The following TNXB variants were observed in gnomAD, a reference collection of about 807,000 sequenced individuals.
TNXB encodes the protein tenascin-X.
In TNXB, 183 loss-of-function variants were observed where a neutral mutation model predicts 340.5. The observed-to-expected ratio is 0.54, with a 90% CI of 0.48 to 0.61. The LOEUF is 0.61. Ranked by LOEUF, TNXB falls within the 20% of genes least tolerant of loss-of-function variation. The pLI, the probability that TNXB is intolerant of heterozygous loss-of-function variation, is 0.00. For missense variants in TNXB, 4,613 were observed against 5,446.4 expected, an observed-to-expected ratio of 0.85 and a Z score of 4.82; for synonymous variants, 2,121 against 2,314.5, an observed-to-expected ratio of 0.92 and a Z score of 2.40.
chr6:32,081,596 C>T lies in TNXB; in HGVS notation c.3814G>A (p.Val1272Met), dbSNP rs749925578. 108 of 1,601,768 alleles carry T rather than the reference C, an allele frequency of 6.7e-5. No individual in the cohort carries two copies. Among genetic ancestry groups the T allele is most frequent in the African/African-American group, 1.6e-4 (12 of 74,792 alleles). ...GAGAGACGCAAGGAGTCTGGGGTCA[C>T]GCCGGTCACTGTCAGTTCCCCCAGG... ...PLLGELTVTG[V>M]TPDSLRLSWT... Residue 1272 changes from valine (V) to methionine (M), a missense_variant, in exon 10 of 44, where the codon GTG (valine) becomes ATG (methionine). Val to Met is a conservative substitution (Grantham distance 21). Around this residue, in one of 7 missense-constraint regions of TNXB, gnomAD observed 4,327 missense variants for 4,859.4 expected, o/e 0.89. Coordinates refer to ENST00000644971, the MANE Select transcript of TNXB (RefSeq NM_001365276.2). This position sits in a 1 kb window ranked among gnomAD's most constrained non-coding sequence, Gnocchi z 5.1.
At chr6:32,095,253 C>G in intron 3 of TNXB, 62 bp from the exon 4 acceptor site, 1 of 1,287,838 alleles carries the variant, frequency 7.8e-7, no homozygotes. Flanking sequence ...CCACCCACAG[C>G]CCCTTTTACT....
chr6:32,058,341 T>A lies in TNXB; in HGVS notation c.7542A>T (p.Thr2514=). 6.2e-7 allele frequency: 1 copy of A among 1,611,740 alleles called. No homozygotes were observed. Among genetic ancestry groups the A allele is most frequent in the Non-Finnish European group, 8.5e-7 (1 of 1,179,644 alleles). Residue 2514 remains threonine (T), a synonymous_variant, in exon 22 of 44, where the codon ACA becomes ACT. Coordinates refer to ENST00000644971, the MANE Select transcript of TNXB (RefSeq NM_001365276.2). This position sits in a 1 kb window ranked among gnomAD's most constrained non-coding sequence, Gnocchi z 5.1. The stretch of plus-strand genomic sequence containing the variant: ...GCTCCTCGGGGGGCCCTGGGGCCTC[T>A]GTGCCTGGTTCTGTAGGGCTGGGGG... The part of the protein sequence containing the change: ...DETPSPTEPG[T]EAPGPPEEPL...
At position 32,096,104 on chromosome 6, in the gene TNXB, C is replaced by G; in HGVS notation, c.1749G>C (p.Glu583Asp). Residue 583 changes from glutamate to aspartate, a missense_variant, in exon 3 of 44, where the codon GAG (glutamate) becomes GAC (aspartate). Around this residue, in one of 7 missense-constraint regions of TNXB, gnomAD observed 4,327 missense variants for 4,859.4 expected, o/e 0.89. Transcript: ENST00000644971. ...RCVCEDGYSG[E>D]DCGVRQCPND... ...TCGGGCACTGCCTCACACCGCAATC[C>G]TCGCCAGAGTAGCCGTCCTCGCACA... 1.2e-6 allele frequency: 2 copies of G among 1,608,958 alleles called. No individual in the cohort carries two copies. Among genetic ancestry groups the G allele is most frequent in the Non-Finnish European group, 1.7e-6 (2 of 1,178,336 alleles).
intron 1 of TNXB, among the ~76,000 whole-genome samples, chr6:32,100,512 G>A (rs1163902430): frequency 2.6e-5 from 4 of 152,128 alleles, no homozygotes; most frequent in African/African-American, 9.7e-5. Flanking sequence ...AGGATTGCAT[G>A]AGCCCAGGAG....
At position 32,084,441 on chromosome 6, in the gene TNXB, A is replaced by T; in HGVS notation, c.3417T>A (p.His1139Gln). ...TCTTGGCTTCAGCCACCAGCGGACC[A>T]TGCCTCTTCTTGCCAACAAACCCAT... ...VLYGFVGKKR[H>Q]GPLVAEAKIL... The change falls in exon 8 of 44, where the codon CAT becomes CAA. Residue 1139 changes from histidine (H) to glutamine (Q), a missense_variant. By Grantham distance (24) the His-to-Gln change is conservative (BLOSUM62 0). This residue lies in a region of TNXB where 4,327 missense variants were observed against 4,859.4 expected (regional missense o/e 0.89). Coordinates refer to ENST00000644971, the MANE Select transcript of TNXB (RefSeq NM_001365276.2). This position sits in a 1 kb window ranked among gnomAD's most constrained non-coding sequence, Gnocchi z 5.5. 6.3e-7 allele frequency: 1 copy of T among 1,596,248 alleles called. No individual in the cohort carries two copies. Among genetic ancestry groups the T allele is most frequent in the Non-Finnish European group, 8.6e-7 (1 of 1,169,500 alleles).
In TNXB at chr6:32,072,690, C is replaced by G. The variant is rs1778847345; in HGVS notation, c.4682-392G>C. ...TTGGATTTTTAAGAAATATTTTGGG[C>G]CGGGTGCAGTGGCTCATGCCAGGCC... On this transcript the variant is annotated intron_variant, in intron 12 of 43. Coordinates refer to ENST00000644971, the MANE Select transcript of TNXB (RefSeq NM_001365276.2). The surrounding 1 kb of genome is among the most constrained non-coding windows in gnomAD (Gnocchi z 4.4). Among the ~76,000 whole-genome samples, 1 of 152,172 alleles carries G rather than the reference C, an allele frequency of 6.6e-6. No homozygotes were observed. Among genetic ancestry groups the G allele is most frequent in the Non-Finnish European group, 1.5e-5 (1 of 68,028 alleles).
chr6:32,055,487 T>A (rs1438543899), intron 24 of TNXB, among the ~76,000 whole-genome samples: 1 of 152,152 alleles, frequency 6.6e-6, no homozygotes. Context: ...TGCCCCTCAC[T>A]GCCTTCTGTC....
At position 32,068,738 on chromosome 6, in the gene TNXB, G is replaced by A; in HGVS notation, c.5903-31C>T. 2 of 1,604,530 alleles carry A rather than the reference G, an allele frequency of 1.2e-6. No individual in the cohort carries two copies. Among genetic ancestry groups the A allele is most frequent in the South Asian group, 1.1e-5 (1 of 90,090 alleles). ...CAGAGACATGGAAAGAGAGGACTGAGGTGGGCAGGGTATCCGCGGGACTCT... is the reference window on the plus strand; with the variant it reads ...CAGAGACATGGAAAGAGAGGACTGAAGTGGGCAGGGTATCCGCGGGACTCT... On this transcript the variant is annotated intron_variant, in intron 16 of 43. Coordinates refer to ENST00000644971, the MANE Select transcript of TNXB (RefSeq NM_001365276.2). This position sits in a 1 kb window ranked among gnomAD's most constrained non-coding sequence, Gnocchi z 5.3.
Position 32,097,712 on chromosome 6 carries a change from T to G in TNXB, c.403+84A>C. 4 of 1,423,444 alleles carry G rather than the reference T, an allele frequency of 2.8e-6. No homozygotes were observed. The highest frequency in any genetic ancestry group is 3.7e-6 in the Non-Finnish European group (4 of 1,072,808). The allele number at this position is 1,423,444 out of a possible 1,614,324, so 88.2% of individuals were successfully genotyped here. A position where few individuals can be genotyped will look rare whatever the true frequency, so the allele number is the denominator to read the frequency against. On this transcript the variant is annotated intron_variant, in intron 2 of 43. Coordinates refer to ENST00000644971, the MANE Select transcript of TNXB (RefSeq NM_001365276.2). The surrounding 1 kb of genome is among the most constrained non-coding windows in gnomAD (Gnocchi z 5.9). ...TCATGGTGAGGAAGGAGTGCCTTCT[T>G]CTAATTCATACCAAGGACCTTTATG...
Position 32,069,787 on chromosome 6 carries a change from T to A in TNXB, c.5353A>T (p.Thr1785Ser). Residue 1785 changes from threonine to serine, a missense_variant, in exon 15 of 44, where the codon ACC becomes TCC. Transcript: ENST00000644971. This position sits in a 1 kb window ranked among gnomAD's most constrained non-coding sequence, Gnocchi z 6.2. ...KPRLGEELQV[T>S]TVTQNSVGLS... ...CCCACGGAGTTCTGGGTCACGGTGG[T>A]CACCTGCAGCTCCTCCCCCAGACGG... is the stretch of plus-strand genomic sequence containing the variant. The A allele has an allele frequency of 6.2e-7, 1 of 1,610,380 alleles. No homozygotes were observed. The highest frequency in any genetic ancestry group is 8.5e-7 in the Non-Finnish European group (1 of 1,178,486).
At chr6:32,107,115 G>A (rs1215367130) in intron 1 of TNXB, among the ~76,000 whole-genome samples, 1 of 152,236 alleles carries the variant, frequency 6.6e-6, no homozygotes, top group Non-Finnish European at 1.5e-5. Flanking sequence ...CCTGGATGGT[G>A]TGAGAGGAAC....
Position 32,072,260 on chromosome 6 carries a change from G to C in TNXB, c.4720C>G (p.Pro1574Ala), listed in dbSNP as rs768512703. The C allele has an allele frequency of 1.2e-6, 2 of 1,606,818 alleles. No individual in the cohort carries two copies. Among genetic ancestry groups the C allele is most frequent in the Non-Finnish European group, 1.7e-6 (2 of 1,176,310 alleles). Residue 1574 changes from proline (P) to alanine (A), a missense_variant, in exon 13 of 44, where the codon CCT becomes GCT. Around this residue, in one of 7 missense-constraint regions of TNXB, gnomAD observed 4,327 missense variants for 4,859.4 expected, o/e 0.89. Coordinates refer to ENST00000644971, the MANE Select transcript of TNXB (RefSeq NM_001365276.2). The surrounding 1 kb of genome is among the most constrained non-coding windows in gnomAD (Gnocchi z 4.4). The part of the protein sequence containing the change: ...PPAPATEASK[P>A]PLEPRLGELT... Reference sequence around the variant, plus strand: ...TCCCCTAGGCGTGGCTCCAGGGGAGGCTTGGAGGCCTCTGTGGCTGGGGCT... The same window carrying C: ...TCCCCTAGGCGTGGCTCCAGGGGAGCCTTGGAGGCCTCTGTGGCTGGGGCT...
chr6:32,091,829 G>A (rs1034872353), intron 4 of TNXB, among the ~76,000 whole-genome samples: 8 of 152,216 alleles, frequency 5.3e-5, no homozygotes, highest in Admixed American at 3.9e-4. Flanking sequence ...TATTAACCTC[G>A]TGGCTCCAGA....
intron 1 of TNXB, among the ~76,000 whole-genome samples, chr6:32,101,219 T>G (rs1780704830): frequency 6.6e-6 from 1 of 152,152 alleles, no homozygotes; most frequent in Non-Finnish European, 1.5e-5. Context: ...TTTATTTATT[T>G]TACCTGGGCT....
In TNXB at chr6:32,072,370, G is replaced by A; in HGVS notation, c.4682-72C>T. ...GAACCCCTGGGCTTTGAGGGCCTCA[G>A]GGGGGCTGTGAACTGAGATGGGGAA... On this transcript the variant is annotated intron_variant, in intron 12 of 43. Coordinates refer to ENST00000644971, the MANE Select transcript of TNXB (RefSeq NM_001365276.2). This position sits in a 1 kb window ranked among gnomAD's most constrained non-coding sequence, Gnocchi z 4.4. 7.5e-7 allele frequency: 1 copy of A among 1,336,454 alleles called. No homozygotes were observed. The highest frequency in any genetic ancestry group is 1.0e-6 in the Non-Finnish European group (1 of 994,680). 82.8% of individuals were successfully genotyped at this position (1,336,454 alleles called of 1,614,324 possible).
Position 32,081,764 on chromosome 6 carries a change from G to T in TNXB, c.3737-91C>A. The T allele has an allele frequency of 1.3e-6, 1 of 775,426 alleles. No individual in the cohort carries two copies. The highest frequency in any genetic ancestry group is 1.7e-5 in the African/African-American group (1 of 57,294). 48.0% of individuals were successfully genotyped at this position (775,426 alleles called of 1,614,324 possible). A position where few individuals can be genotyped will look rare whatever the true frequency, so the allele number is the denominator to read the frequency against. On this transcript the variant is annotated intron_variant, in intron 9 of 43. Coordinates refer to ENST00000644971, the MANE Select transcript of TNXB (RefSeq NM_001365276.2). This position sits in a 1 kb window ranked among gnomAD's most constrained non-coding sequence, Gnocchi z 5.1. ...CGGGATGTCACACCTATGGGGGGTG[G>T]GGGGTCACTAGTCCATTAATTCGAG...
rs780684175 is a variant in TNXB at position 32,068,775 on chromosome 6, G to C, written c.5902+47C>G. On this transcript the variant is annotated intron_variant, in intron 16 of 43. Coordinates refer to ENST00000644971, the MANE Select transcript of TNXB (RefSeq NM_001365276.2). This position sits in a 1 kb window ranked among gnomAD's most constrained non-coding sequence, Gnocchi z 5.3. ...ATCCGCGGGACTCTGCTGTCCTCTG[G>C]ACTCTCCCAGCCATCTGAAAGGAGG... 27 of 1,592,832 alleles carry C rather than the reference G, an allele frequency of 1.7e-5. No homozygotes were observed. In the African/African-American group the frequency reaches 3.4e-4, roughly 20 times the overall value.
chr6:32,071,213 G>A (rs775314640), intron 13 of TNXB, among the ~76,000 whole-genome samples: 20 of 152,226 alleles, frequency 1.3e-4, no homozygotes, highest in Admixed American at 1.3e-4. Flanking sequence ...GGGCTCCTCT[G>A]GTTCCCAATT....
chr6:32,066,513 A>G (rs1470810875), intron 18 of TNXB, among the ~76,000 whole-genome samples: 2 of 152,208 alleles, frequency 1.3e-5, no homozygotes, highest in African/African-American at 4.8e-5. Flanking sequence ...AGCTAGACAC[A>G]AAAGAATACA....
Sources: allele counts gnomAD v4.1 joint callset (sites outside exome capture counted in the v4.1 genomes callset), GRCh38; gene constraint gnomAD v4.1.1; regional missense constraint gnomAD v4.1.1; non-coding constraint Gnocchi (gnomAD v3.1); transcripts MANE v1.5; gene names NCBI Gene and HGNC (gene_info 2026-07-23, HGNC 2026-07-21).